CC2D2A: variants seen among roughly 807,000 people sequenced by gnomAD.
The protein encoded by CC2D2A is coiled-coil and C2 domain-containing protein 2A.
In CC2D2A, 155 loss-of-function variants were observed where a neutral mutation model predicts 212.9. That is an observed-to-expected ratio of 0.73 (90% confidence interval 0.64 to 0.83). CC2D2A has a LOEUF of 0.83. CC2D2A is among the 40% of genes least tolerant of loss of function. The probability of loss-of-function intolerance (pLI) is 0.00; values close to 1 mark genes in which losing one functional copy is unlikely to be tolerated. For missense variants in CC2D2A, 1,856 were observed against 1,956.2 expected, an observed-to-expected ratio of 0.95 and a Z score of 0.97; for synonymous variants, 667 against 686.5, an observed-to-expected ratio of 0.97 and a Z score of 0.44.
At chr4:15,547,449 A>G (rs1462963378) in intron 17 of CC2D2A, among the ~76,000 whole-genome samples, 1 of 152,130 alleles carries the variant, frequency 6.6e-6, no homozygotes, top group African/African-American at 2.4e-5. Context: ...ACCTCTCTTC[A>G]TCCTCCTCCT....
At chr4:15,531,741 C>A (rs1717858986) in intron 13 of CC2D2A, among the ~76,000 whole-genome samples, 1 of 151,990 alleles carries the variant, frequency 6.6e-6, no homozygotes, top group Non-Finnish European at 1.5e-5. Flanking sequence ...GCTAAGAGCT[C>A]TTTTTAGCAT....
chr4:15,477,020 T>C (rs1396995895), intron 2 of CC2D2A, among the ~76,000 whole-genome samples: 1 of 152,196 alleles, frequency 6.6e-6, no homozygotes, highest in Non-Finnish European at 1.5e-5. Flanking sequence ...TTAAGCAAGA[T>C]GGCTGGGCAC....
At chr4:15,579,165 A>G (rs1478442766) in intron 29 of CC2D2A, among the ~76,000 whole-genome samples, 2 of 152,116 alleles carry the variant, frequency 1.3e-5, no homozygotes, top group African/African-American at 4.8e-5. Context: ...TTACTTTTTA[A>G]AAGTCTGGGA....
At chr4:15,488,626 C>T (rs764466197) in intron 4 of CC2D2A, among the ~76,000 whole-genome samples, 2 of 152,190 alleles carry the variant, frequency 1.3e-5, no homozygotes, top group Admixed American at 6.5e-5. Context: ...TTTGATTACT[C>T]CTTTGACCTT....
intron 9 of CC2D2A, among the ~76,000 whole-genome samples, chr4:15,515,255 T>C (rs1162253356): frequency 1.3e-5 from 2 of 152,238 alleles, no homozygotes; most frequent in South Asian, 2.1e-4. Flanking sequence ...TGCTTCCTGT[T>C]GCTGCCTATC....
In CC2D2A at chr4:15,570,431, C is replaced by T. The variant is rs371561652; in HGVS notation, c.3529C>T (p.Arg1177Cys). ...DRERGSGIHT[R>C]IERHWLGCVK... ...TGAAAGAGGAAGTGGAATCCATACT[C>T]GTATTGAGAGACACTGGCTGGGATG... Residue 1177 changes from arginine (R) to cysteine (C), a missense_variant, in exon 28 of 37, where the codon CGT becomes TGT. Transcript: ENST00000424120. 22 of 1,607,076 alleles carry T rather than the reference C, an allele frequency of 1.4e-5. No homozygotes were observed. The highest frequency in any genetic ancestry group is 3.3e-4 in the Middle Eastern group (2 of 6,048).
chr4:15,473,843 A>C (rs1237722489), intron 1 of CC2D2A, among the ~76,000 whole-genome samples: 4 of 152,218 alleles, frequency 2.6e-5, no homozygotes, highest in African/African-American at 4.8e-5. Flanking sequence ...AGGAGTTAAG[A>C]ACAACTGCAA....
chr4:15,488,609 ATCCACGT>A (rs1450077458), intron 4 of CC2D2A, among the ~76,000 whole-genome samples: 3 of 152,122 alleles, frequency 2.0e-5, no homozygotes, highest in African/African-American at 7.2e-5. Context: ...AAATATCTGG[ATCCACGT>A]TTGATTACTC....
rs111263679 is a variant in CC2D2A at position 15,508,112 on chromosome 4, T to G, written c.439-2027T>G. ...CTGTTTCTGAGCCCCTCCAACCACC[T>G]GGGGGACAGAAGCCATTAGACAAAT... On this transcript the variant is annotated intron_variant, in intron 6 of 36. Coordinates refer to ENST00000424120, the MANE Select transcript of CC2D2A (RefSeq NM_001378615.1). Among the ~76,000 whole-genome samples the G allele has an allele frequency of 3.6e-3, 552 of 152,286 alleles. 1 individual carries two copies. Among genetic ancestry groups the G allele is most frequent in the African/African-American group, 0.013 (533 of 41,558 alleles).
At position 15,597,434 on chromosome 4, in the gene CC2D2A, G is replaced by C. The variant is rs1338289178; in HGVS notation, c.4465G>C (p.Asp1489His). Reference sequence around the variant, plus strand: ...TGAAGAGCTAATTTACCAGCGCTCAGACAAAGCAGCTGCAGCTGAGCTACA... The same window carrying C: ...TGAAGAGCTAATTTACCAGCGCTCACACAAAGCAGCTGCAGCTGAGCTACA... Reference protein sequence around the residue: ...QPEELIYQRSDKAAAAELQDR... With the variant: ...QPEELIYQRSHKAAAAELQDR... The change falls in exon 35 of 37, where the codon GAC (aspartate) becomes CAC (histidine). Residue 1489 changes from aspartate to histidine, a missense_variant. This residue lies in a region of CC2D2A where 285 missense variants were observed against 278.4 expected (regional missense o/e 1.02). Transcript: ENST00000424120. 3.2e-6 allele frequency: 5 copies of C among 1,553,262 alleles called. No individual in the cohort carries two copies. Among genetic ancestry groups the C allele is most frequent in the Middle Eastern group, 1.7e-4 (1 of 5,996 alleles).
In CC2D2A at chr4:15,557,460, A is replaced by G; in HGVS notation, c.2782A>G (p.Lys928Glu). ...AGAGGTGCCAGAATTCCGAAATTAT[A>G]AGCAAGTTCCAGTCTATGACCGAGA... ...SQEVPEFRNY[K>E]QVPVYDREIM... is the part of the protein sequence containing the mutation. The change falls in exon 21 of 37, where the codon AAG (lysine) becomes GAG (glutamate). Residue 928 changes from lysine (K) to glutamate (E), a missense_variant. Lys to Glu is a moderately conservative substitution (Grantham distance 56, BLOSUM62 1). Transcript: ENST00000424120. 6.2e-7 allele frequency: 1 copy of G among 1,612,554 alleles called. No homozygotes were observed. The highest frequency in any genetic ancestry group is 8.5e-7 in the Non-Finnish European group (1 of 1,179,300).
At chr4:15,488,229 T>G (rs1259939462) in intron 4 of CC2D2A, among the ~76,000 whole-genome samples, 2 of 152,232 alleles carry the variant, frequency 1.3e-5, no homozygotes, top group Admixed American at 6.5e-5. Flanking sequence ...TTAGCATTTC[T>G]TGTAAGATAG....
chr4:15,569,894 C>T (rs182630952), intron 27 of CC2D2A, among the ~76,000 whole-genome samples: 25 of 152,198 alleles, frequency 1.6e-4, no homozygotes, highest in Middle Eastern at 3.4e-3. Flanking sequence ...ATCTAGAGGC[C>T]AGGAATGCCT....
chr4:15,511,381 G>GGAA lies in CC2D2A; in HGVS notation c.685_687dup (p.Glu229dup), dbSNP rs386833764. On this transcript the variant is annotated inframe_insertion, in exon 8 of 37. Transcript: ENST00000424120. ...GAACTAATCAAGAGGAGGAGGAAGG[G>GGAA]GAAGAAGAAGAACCACCTGCACAAG... 3 of 1,554,574 alleles carry GGAA rather than the reference G, an allele frequency of 1.9e-6. No homozygotes were observed. Among genetic ancestry groups the GGAA allele is most frequent in the Non-Finnish European group, 2.6e-6 (3 of 1,158,400 alleles).
At chr4:15,569,258 AT>A (rs967450703) in intron 26 of CC2D2A, 34 bp from the exon 27 acceptor site, 2 of 1,231,348 alleles carry the variant, frequency 1.6e-6, no homozygotes, top group African/African-American at 3.0e-5. Context: ...TATGTTGCCT[AT>A]TTTCACAGTC....
intron 33 of CC2D2A, among the ~76,000 whole-genome samples, chr4:15,593,639 T>A (rs1721200609): frequency 6.6e-6 from 1 of 152,192 alleles, no homozygotes; most frequent in Non-Finnish European, 1.5e-5. Flanking sequence ...TCTCAATAAA[T>A]GTCAATTTCA....
chr4:15,516,120 C>A, intron 10 of CC2D2A, 116 bp downstream of exon 10: 3 of 1,084,744 alleles, frequency 2.8e-6, no homozygotes, highest in Non-Finnish European at 3.7e-6. Flanking sequence ...AGGTTATCCA[C>A]AGAAAGTGGT....
At chr4:15,541,333 A>T (rs1450912989) in intron 17 of CC2D2A, among the ~76,000 whole-genome samples, 1 of 151,534 alleles carries the variant, frequency 6.6e-6, no homozygotes, top group Non-Finnish European at 1.5e-5. Context: ...CAATAGTAAT[A>T]ATAATTATTA....
intron 4 of CC2D2A, among the ~76,000 whole-genome samples, chr4:15,484,177 G>A (rs1396194975): frequency 2.6e-5 from 4 of 152,192 alleles, no homozygotes; most frequent in African/African-American, 9.7e-5. Flanking sequence ...GACTGCAGTG[G>A]GAGTGAGAGG....
Sources: allele counts gnomAD v4.1 joint callset (sites outside exome capture counted in the v4.1 genomes callset), GRCh38; gene constraint gnomAD v4.1.1; regional missense constraint gnomAD v4.1.1; transcripts MANE v1.5; gene names NCBI Gene and HGNC (gene_info 2026-07-23, HGNC 2026-07-21).